The following PCDHGA10 variants were observed in gnomAD, a reference collection of about 807,000 sequenced individuals.
PCDHGA10 encodes protocadherin gamma subfamily A, 10.
A neutral mutation model predicts 59.5 loss-of-function variants in PCDHGA10; 42 were observed. The observed-to-expected ratio is 0.71, with a 90% CI of 0.55 to 0.91. PCDHGA10 has a LOEUF of 0.91. Ranked by LOEUF, PCDHGA10 falls within the 40% of genes least tolerant of loss-of-function variation. The pLI is 0.00. For synonymous variants in PCDHGA10, 511 were observed against 517.2 expected, an observed-to-expected ratio of 0.99 and a Z score of 0.16; for missense variants, 1,111 against 1,198.2, an observed-to-expected ratio of 0.93 and a Z score of 1.07.
rs762770481 is a variant in PCDHGA10, at chr5:141,432,320, G to GACT, written c.2436+16712_2436+16714dup. On this transcript the variant is annotated intron_variant, in intron 1 of 3. Coordinates refer to ENST00000398610, the MANE Select transcript of PCDHGA10 (RefSeq NM_018913.3). This position sits in a 1 kb window ranked among gnomAD's most constrained non-coding sequence, Gnocchi z 6.0. ...GGTACTGTATGCGCTGAGCTCCTTC[G>GACT]ACTACGAGCAGTTCCGAGACTTGCA... is the stretch of plus-strand genomic sequence containing the variant. The GACT allele has an allele frequency of 2.6e-5, 42 of 1,614,238 alleles. No individual in the cohort carries two copies. The highest frequency in any genetic ancestry group is 3.6e-5 in the Non-Finnish European group (42 of 1,180,038).
At chr5:141,471,932 A>T (rs1015576042) in intron 1 of PCDHGA10, among the ~76,000 whole-genome samples, 1 of 152,158 alleles carries the variant, frequency 6.6e-6, no homozygotes, top group Non-Finnish European at 1.5e-5. Context: ...GGGGGTGATG[A>T]GAGTTTTCTA....
At chr5:141,422,044 G>A (rs780284162) in intron 1 of PCDHGA10, 1 of 1,611,530 alleles carries the variant, frequency 6.2e-7, no homozygotes, top group Non-Finnish European at 8.5e-7. Flanking sequence ...TCCAGACGAG[G>A]GAATCAACGG....
intron 1 of PCDHGA10, among the ~76,000 whole-genome samples, chr5:141,435,590 A>G (rs1005651004): frequency 3.3e-5 from 5 of 152,210 alleles, no homozygotes; most frequent in African/African-American, 7.2e-5. Context: ...TTGCAGTAAT[A>G]TCGCCTGCTT....
Position 141,431,910 on chromosome 5 carries a change from G to A in PCDHGA10, c.2436+16299G>A. The A allele has an allele frequency of 6.2e-7, 1 of 1,614,096 alleles. No individual in the cohort carries two copies. Among genetic ancestry groups the A allele is most frequent in the Non-Finnish European group, 8.5e-7 (1 of 1,179,934 alleles). On this transcript the variant is annotated intron_variant, in intron 1 of 3. Transcript: ENST00000398610. This position sits in a 1 kb window ranked among gnomAD's most constrained non-coding sequence, Gnocchi z 4.8. ...TCTGAGGAAAACGGACAGGTGATCTGTTTCATCCAAGGAAATCTGCCCTTT... is the reference window on the plus strand; with the variant it reads ...TCTGAGGAAAACGGACAGGTGATCTATTTCATCCAAGGAAATCTGCCCTTT...
chr5:141,454,272 A>G (rs1226625529), intron 1 of PCDHGA10, among the ~76,000 whole-genome samples: 1 of 152,200 alleles, frequency 6.6e-6, no homozygotes, highest in Non-Finnish European at 1.5e-5. Context: ...ATGCCAGCAA[A>G]AACTTCACAT....
intron 1 of PCDHGA10, among the ~76,000 whole-genome samples, chr5:141,470,181 A>G (rs974401154): frequency 3.9e-5 from 6 of 152,236 alleles, no homozygotes; most frequent in African/African-American, 9.6e-5. Flanking sequence ...AAAATATTCA[A>G]GTAAACTTCA....
intron 1 of PCDHGA10, among the ~76,000 whole-genome samples, chr5:141,444,275 G>A (rs1427489988): frequency 7.1e-6 from 1 of 141,698 alleles, no homozygotes; most frequent in Non-Finnish European, 1.5e-5. Flanking sequence ...AGGTTCAAGT[G>A]ATTCTCCTGC....
At chr5:141,426,004 C>T (rs573455573) in intron 1 of PCDHGA10, among the ~76,000 whole-genome samples, 10 of 152,264 alleles carry the variant, frequency 6.6e-5, no homozygotes, top group Non-Finnish European at 8.8e-5. Flanking sequence ...CAAAGGCTTC[C>T]GGCTGCAGTT....
intron 1 of PCDHGA10, chr5:141,478,576 G>T (rs543160289): frequency 5.0e-6 from 8 of 1,585,598 alleles, no homozygotes; most frequent in Non-Finnish European, 6.9e-6. Flanking sequence ...GCTTGACCCT[G>T]TTAGTGCTTT....
Position 141,414,866 on chromosome 5 carries a change from C to T in PCDHGA10, c.1691C>T (p.Pro564Leu). 1 of 1,614,230 alleles carries T rather than the reference C, an allele frequency of 6.2e-7. No homozygotes were observed. Among genetic ancestry groups the T allele is most frequent in the Non-Finnish European group, 8.5e-7 (1 of 1,180,046 alleles). ...LFVLDQNDNA[P>L]EILYPALPTD... ...GTGCTGGACCAGAACGACAATGCGC[C>T]CGAGATCCTGTACCCCGCCCTCCCC... Residue 564 changes from proline (P) to leucine (L), a missense_variant, in exon 1 of 4, where the codon CCC becomes CTC. Transcript: ENST00000398610.
At chr5:141,502,398 C>T (rs1303456458) in intron 2 of PCDHGA10, among the ~76,000 whole-genome samples, 1 of 151,688 alleles carries the variant, frequency 6.6e-6, no homozygotes, top group Non-Finnish European at 1.5e-5. Flanking sequence ...TTAAAATGTC[C>T]CCGAACCTGG....
intron 1 of PCDHGA10, among the ~76,000 whole-genome samples, chr5:141,436,749 C>T (rs2097844674): frequency 6.6e-6 from 1 of 152,154 alleles, no homozygotes; most frequent in Admixed American, 6.5e-5. Flanking sequence ...TGTGCTTCTC[C>T]ATATGGTATA....
chr5:141,495,918 T>C (rs2099764622), intron 2 of PCDHGA10, among the ~76,000 whole-genome samples: 1 of 152,184 alleles, frequency 6.6e-6, no homozygotes, highest in African/African-American at 2.4e-5. Flanking sequence ...ATATCTTTCT[T>C]TGTCTCTGTC....
intron 1 of PCDHGA10, among the ~76,000 whole-genome samples, chr5:141,420,713 G>GT (rs1303648273): frequency 3.3e-5 from 5 of 152,078 alleles, no homozygotes; most frequent in African/African-American, 1.2e-4. Context: ...CAGAAATGTC[G>GT]TTCCTTTCAG....
intron 1 of PCDHGA10, chr5:141,428,064 G>A: frequency 6.2e-7 from 1 of 1,609,060 alleles, no homozygotes; most frequent in East Asian, 2.2e-5. Flanking sequence ...GGCGGTGGAC[G>A]CAGATTCGGG....
chr5:141,430,975 G>A (rs776670383), intron 1 of PCDHGA10: 2 of 1,613,208 alleles, frequency 1.2e-6, no homozygotes, highest in Admixed American at 1.7e-5. Flanking sequence ...GAGGTAGGAC[G>A]CAGCTTTTCG....
At chr5:141,419,689 G>T in intron 1 of PCDHGA10, 1 of 1,613,000 alleles carries the variant, frequency 6.2e-7, no homozygotes, top group African/African-American at 1.3e-5. Context: ...ACGTGGTGCA[G>T]GCCAGTGAGC....
intron 1 of PCDHGA10, chr5:141,420,078 C>T (rs764695314): frequency 6.2e-7 from 1 of 1,614,008 alleles, no homozygotes; most frequent in Non-Finnish European, 8.5e-7. Context: ...CCTGTGGGTC[C>T]CCCCAACTAC....
chr5:141,416,306 G>A (rs1186519939), intron 1 of PCDHGA10: 1 of 152,186 alleles, frequency 6.6e-6, no homozygotes, highest in Non-Finnish European at 1.5e-5. Flanking sequence ...CTATGTGGAA[G>A]ATATAGCATT....
Sources: gnomAD v4.1 joint callset for allele counts (sites outside exome capture counted in the v4.1 genomes callset) on GRCh38, gnomAD v4.1.1 for gene constraint, Gnocchi (gnomAD v3.1) non-coding constraint, MANE v1.5 for transcripts, NCBI Gene and HGNC (gene_info 2026-07-23, HGNC 2026-07-21) for gene names.